Variants in CAMK4 observed in about 807,000 individuals in gnomAD.
CAMK4 encodes calcium/calmodulin-dependent protein kinase type IV.
Under a neutral mutation model 44.9 loss-of-function variants are expected in CAMK4, and 22 were observed. The observed-to-expected ratio is 0.49, with a 90% CI of 0.35 to 0.70. The LOEUF is 0.70. CAMK4 is among the 30% of genes least tolerant of loss of function. CAMK4 has a pLI of 0.01. For synonymous variants in CAMK4, 218 were observed against 215.4 expected (o/e 1.01, Z -0.11); for missense variants, 498 against 586.8 (o/e 0.85, Z 1.56).
At chr5:111,358,806 G>C (rs1039696559) in intron 2 of CAMK4, among the ~76,000 whole-genome samples, 1 of 152,044 alleles carries the variant, frequency 6.6e-6, no homozygotes, top group Admixed American at 6.6e-5. Flanking sequence ...ACTTATAAGT[G>C]AGAACATGCG....
intron 2 of CAMK4, among the ~76,000 whole-genome samples, chr5:111,348,522 T>C (rs1290704858): frequency 6.6e-6 from 1 of 151,960 alleles, no homozygotes; most frequent in African/African-American, 2.4e-5. Context: ...TATAAATGGG[T>C]ATAACATCAT....
intron 5 of CAMK4, among the ~76,000 whole-genome samples, chr5:111,395,224 A>AG (rs1414058647): frequency 9.5e-6 from 1 of 104,848 alleles, no homozygotes; most frequent in Non-Finnish European, 1.9e-5. Flanking sequence ...AAAAAAAAAA[A>AG]AAAGAAAAAA....
intron 5 of CAMK4, among the ~76,000 whole-genome samples, chr5:111,399,624 C>G (rs10041977): frequency 2.2e-3 from 330 of 152,254 alleles, no homozygotes; most frequent in African/African-American, 7.2e-3. Flanking sequence ...AGCCATCATT[C>G]TGTATTTTTT....
chr5:111,349,264 A>G (rs1211546185), intron 2 of CAMK4, among the ~76,000 whole-genome samples: 1 of 151,964 alleles, frequency 6.6e-6, no homozygotes, highest in African/African-American at 2.4e-5. Context: ...TTTGCTTGTG[A>G]TTATCGGTGG....
At chr5:111,311,909 T>C (rs1748221096) in intron 1 of CAMK4, among the ~76,000 whole-genome samples, 1 of 152,168 alleles carries the variant, frequency 6.6e-6, no homozygotes, top group South Asian at 2.1e-4. Context: ...TGTTTTTGTT[T>C]CCTTGGTATT....
intron 1 of CAMK4, among the ~76,000 whole-genome samples, chr5:111,253,077 T>C (rs1371826760): frequency 6.6e-6 from 1 of 152,238 alleles, no homozygotes; most frequent in East Asian, 1.9e-4. Flanking sequence ...GTAGGTTACT[T>C]GGCTTCCGCT....
chr5:111,317,183 T>C (rs1748461673), intron 1 of CAMK4, among the ~76,000 whole-genome samples: 1 of 152,148 alleles, frequency 6.6e-6, no homozygotes, highest in South Asian at 2.1e-4. Context: ...TAGGAGACTT[T>C]CTTCCCAGAA....
rs926615446 is a variant in CAMK4 at position 111,487,320 on chromosome 5, A to T, written c.*2854A>T. ...TAAGTTCAGCTACATAGCATAAACTAGGTTTTTTTTTATAACCATGAAGGA... is the reference window on the plus strand; with the variant it reads ...TAAGTTCAGCTACATAGCATAAACTTGGTTTTTTTTTATAACCATGAAGGA... On this transcript the variant is annotated 3_prime_UTR_variant, in exon 11 of 11. Coordinates refer to ENST00000282356, the MANE Select transcript of CAMK4 (RefSeq NM_001744.6). 4 of 152,156 alleles carry T rather than the reference A, an allele frequency of 2.6e-5. No homozygotes were observed. The East Asian group carries it at 5.8e-4, about 22-fold the overall frequency. The allele number at this position is 152,156 out of a possible 1,614,324, so 9.4% of individuals were successfully genotyped here.
chr5:111,399,138 G>C (rs1405874295), intron 5 of CAMK4, among the ~76,000 whole-genome samples: 1 of 152,000 alleles, frequency 6.6e-6, no homozygotes. Context: ...GCATATTCAG[G>C]TTCCTTCTCA....
intron 1 of CAMK4, among the ~76,000 whole-genome samples, chr5:111,239,312 A>AT (rs1021618916): frequency 1.5e-4 from 23 of 151,862 alleles, no homozygotes; most frequent in Admixed American, 7.9e-4. Context: ...GTTTTATTGG[A>AT]TTTTTTTTAA....
At chr5:111,367,808 C>T (rs1023083836) in intron 2 of CAMK4, among the ~76,000 whole-genome samples, 5 of 152,120 alleles carry the variant, frequency 3.3e-5, no homozygotes, top group African/African-American at 9.6e-5. Context: ...CCCCCTTCTT[C>T]CTTCTTCCTA....
At chr5:111,231,412 C>T (rs186476326) in intron 1 of CAMK4, among the ~76,000 whole-genome samples, 1 of 152,308 alleles carries the variant, frequency 6.6e-6, no homozygotes, top group Admixed American at 6.5e-5. Context: ...TGGCCTCTAC[C>T]TACTAGCTGC....
At chr5:111,293,429 TCTA>T (rs1298212391) in intron 1 of CAMK4, among the ~76,000 whole-genome samples, 1 of 151,684 alleles carries the variant, frequency 6.6e-6, no homozygotes, top group Admixed American at 6.6e-5. Context: ...ATGGCGGTGG[TCTA>T]CTTTTTTTTT....
chr5:111,317,324 A>G (rs1192565654), intron 1 of CAMK4, among the ~76,000 whole-genome samples: 1 of 152,150 alleles, frequency 6.6e-6, no homozygotes, highest in Non-Finnish European at 1.5e-5. Flanking sequence ...AGTTAGATCT[A>G]TATAGTGAAC....
intron 7 of CAMK4, among the ~76,000 whole-genome samples, chr5:111,462,201 C>T (rs929475912): frequency 6.6e-6 from 1 of 152,196 alleles, no homozygotes; most frequent in Non-Finnish European, 1.5e-5. Context: ...GCCTAATTAA[C>T]TTCTCTAGAT....
chr5:111,414,862 C>A (rs1286031880), intron 5 of CAMK4, among the ~76,000 whole-genome samples: 1 of 151,920 alleles, frequency 6.6e-6, no homozygotes, highest in South Asian at 2.1e-4. Context: ...AAGAAAGACA[C>A]AATAGAAGAC....
intron 5 of CAMK4, among the ~76,000 whole-genome samples, chr5:111,429,289 G>T (rs976021293): frequency 3.9e-5 from 6 of 152,008 alleles, no homozygotes; most frequent in African/African-American, 1.4e-4. Flanking sequence ...TAAAATCAGA[G>T]GTGTAAAAGG....
intron 5 of CAMK4, among the ~76,000 whole-genome samples, chr5:111,397,918 A>G (rs1457203164): frequency 1.3e-5 from 2 of 152,156 alleles, no homozygotes; most frequent in African/African-American, 2.4e-5. Context: ...ACGTTATATC[A>G]AAATGAAGTA....
intron 1 of CAMK4, among the ~76,000 whole-genome samples, chr5:111,309,805 G>A (rs955096179): frequency 1.3e-4 from 20 of 152,042 alleles, no homozygotes; most frequent in African/African-American, 4.8e-4. Flanking sequence ...GTTGGATATG[G>A]GACTTTAGAC....
Sources: gnomAD v4.1 joint callset for allele counts (sites outside exome capture counted in the v4.1 genomes callset) on GRCh38, gnomAD v4.1.1 for gene constraint, MANE v1.5 for transcripts, NCBI Gene and HGNC (gene_info 2026-07-23, HGNC 2026-07-21) for gene names.